The following NAA60 variants were observed in gnomAD, a reference collection of about 807,000 sequenced individuals.
The protein encoded by NAA60 is N-alpha-acetyltransferase 60, NatF catalytic subunit.
NAA60 carries 8 observed loss-of-function variants against 26.1 expected under a neutral mutation model. That is an observed-to-expected ratio of 0.31 (90% CI 0.18 to 0.55). The LOEUF (loss-of-function observed/expected upper bound fraction) is 0.55, where lower values mean the gene tolerates loss of function less well. Ranked by LOEUF, NAA60 falls within the 20% of genes least tolerant of loss-of-function variation. The pLI is 0.93. For missense variants in NAA60, 290 were observed against 311.3 expected (o/e 0.93, Z 0.51); for synonymous variants, 131 against 122.5 (o/e 1.07, Z -0.46).
intron 3 of NAA60, among the ~76,000 whole-genome samples, chr16:3,477,386 C>G (rs905234311): frequency 1.3e-5 from 2 of 152,244 alleles, no homozygotes; most frequent in East Asian, 3.8e-4. Context: ...GAGTGTTCAC[C>G]TCAGACTGAC....
intron 7 of NAA60, 23 bp downstream of exon 7, chr16:3,485,084 G>A: frequency 7.4e-7 from 1 of 1,359,482 alleles, no homozygotes; most frequent in South Asian, 1.3e-5. Context: ...AGACACAAAG[G>A]TATGGGAGCT....
chr16:3,458,779 C>G (rs936116570), intron 2 of NAA60, among the ~76,000 whole-genome samples: 4 of 152,210 alleles, frequency 2.6e-5, no homozygotes, highest in African/African-American at 9.7e-5. Context: ...TGGCCCTTTA[C>G]AGACCGGCCC....
intron 4 of NAA60, among the ~76,000 whole-genome samples, 167 bp from the exon 5 acceptor site, chr16:3,482,335 C>T (rs1294175834): frequency 6.6e-6 from 1 of 152,190 alleles, no homozygotes; most frequent in Non-Finnish European, 1.5e-5. Flanking sequence ...GCTCTCATTT[C>T]CTTGGGGAGT....
At chr16:3,482,420 G>A in intron 4 of NAA60, 82 bp from the exon 5 acceptor site, 1 of 1,168,144 alleles carries the variant, frequency 8.6e-7, no homozygotes, top group Non-Finnish European at 1.2e-6. Flanking sequence ...GGAAGTCGGT[G>A]CGGAGCCCGC....
At chr16:3,475,536 A>G (rs928834564) in intron 2 of NAA60, among the ~76,000 whole-genome samples, 8 of 152,056 alleles carry the variant, frequency 5.3e-5, no homozygotes, top group Admixed American at 2.0e-4. Flanking sequence ...TAAATAAAAC[A>G]GGGGGGCTGC....
chr16:3,482,428 C>G, intron 4 of NAA60, 74 bp from the exon 5 acceptor site: 4 of 1,274,278 alleles, frequency 3.1e-6, no homozygotes, highest in Non-Finnish European at 4.5e-6. Context: ...GTGCGGAGCC[C>G]GCCTGGGCCG....
chr16:3,450,405 G>C (rs2034728405), intron 2 of NAA60, among the ~76,000 whole-genome samples: 1 of 152,134 alleles, frequency 6.6e-6, no homozygotes, highest in Admixed American at 6.5e-5. Context: ...GGTGAGTCAG[G>C]AAAGTTGTGC....
chr16:3,453,821 G>C (rs1461792566), intron 2 of NAA60, among the ~76,000 whole-genome samples: 1 of 152,188 alleles, frequency 6.6e-6, no homozygotes, highest in African/African-American at 2.4e-5. Context: ...ACCTGAATGT[G>C]TAGGTTTCAG....
At chr16:3,479,756 T>C (rs1423074875) in intron 4 of NAA60, among the ~76,000 whole-genome samples, 156 bp downstream of exon 4, 1 of 146,986 alleles carries the variant, frequency 6.8e-6, no homozygotes, top group African/African-American at 2.7e-5. Flanking sequence ...CCCTGGCTGG[T>C]GCTTTTCTGT....
intron 2 of NAA60, among the ~76,000 whole-genome samples, chr16:3,459,847 G>T (rs997146680): frequency 2.6e-5 from 4 of 152,182 alleles, no homozygotes; most frequent in African/African-American, 9.7e-5. Context: ...ACCAGGCCGG[G>T]ACAGTATGGA....
chr16:3,464,718 AGTTTTGTTGTT>A, intron 2 of NAA60, among the ~76,000 whole-genome samples: 1 of 152,222 alleles, frequency 6.6e-6, no homozygotes, highest in Non-Finnish European at 1.5e-5. Context: ...ATTTACAGGT[AGTTTTGTTGTT>A]GTTTTGTTTT....
intron 5 of NAA60, chr16:3,482,841 C>T: frequency 1.8e-6 from 1 of 570,548 alleles, no homozygotes; most frequent in East Asian, 2.9e-5. Flanking sequence ...CTGCTGCAGC[C>T]TCGCTCAGCC....
intron 3 of NAA60, among the ~76,000 whole-genome samples, chr16:3,478,969 C>G (rs1481457849): frequency 6.6e-6 from 1 of 152,134 alleles, no homozygotes; most frequent in African/African-American, 2.4e-5. Flanking sequence ...GGCGCGGTGG[C>G]TCACACCTGT....
intron 2 of NAA60, among the ~76,000 whole-genome samples, chr16:3,452,160 C>T (rs948001547): frequency 6.6e-6 from 1 of 152,102 alleles, no homozygotes; most frequent in African/African-American, 2.4e-5. Flanking sequence ...CTGCAGTAAG[C>T]CGTGATCACG....
rs781210536 is a variant in NAA60, at chr16:3,485,531, G to A, written c.*271G>A. 8.8e-6 allele frequency: 4 copies of A among 455,076 alleles called. No individual in the cohort carries two copies. Among genetic ancestry groups the A allele is most frequent in the South Asian group, 3.1e-5 (2 of 64,278 alleles). The allele number at this position is 455,076 out of a possible 1,614,324, so 28.2% of individuals were successfully genotyped here. On this transcript the variant is annotated 3_prime_UTR_variant, in exon 8 of 8. Coordinates refer to ENST00000407558, the MANE Select transcript of NAA60 (RefSeq NM_001083601.3). ...TGCTGCCCTGGCCCTGCCCCCCTGC[G>A]CATGCACCGTCCCCAGGGCTGACCC...
intron 7 of NAA60, 94 bp from the exon 8 acceptor site, chr16:3,485,373 C>T (rs914961040): frequency 2.1e-6 from 1 of 471,784 alleles, no homozygotes; most frequent in Admixed American, 2.3e-5. Context: ...CCTGGAGCAC[C>T]CAGGCCCAGC....
intron 2 of NAA60, among the ~76,000 whole-genome samples, chr16:3,471,953 CT>C (rs1353673954): frequency 6.6e-6 from 1 of 152,118 alleles, no homozygotes; most frequent in African/African-American, 2.4e-5. Context: ...GGGTTAGTGG[CT>C]TTGTCCCAGA....
chr16:3,478,092 T>C (rs1200946384), intron 3 of NAA60, among the ~76,000 whole-genome samples: 5 of 83,420 alleles, frequency 6.0e-5, no homozygotes, highest in Non-Finnish European at 1.3e-4. Flanking sequence ...TAATAATAAA[T>C]AGGCCTGGTG....
At position 3,483,557 on chromosome 16, in the gene NAA60, G is replaced by A. The variant is rs958899882; in HGVS notation, c.532G>A (p.Val178Ile). The A allele has an allele frequency of 6.2e-7, 1 of 1,613,244 alleles. No homozygotes were observed. The highest frequency in any genetic ancestry group is 8.5e-7 in the Non-Finnish European group (1 of 1,179,704). Residue 178 changes from valine to isoleucine, a missense_variant, in exon 6 of 8, where the codon GTC becomes ATC. Transcript: ENST00000407558. ...GGTCCTCAAAGATGGCTTCACCTATGTCCTCTACATCAACGGCGGCCACCC... is the reference window on the plus strand; with the variant it reads ...GGTCCTCAAAGATGGCTTCACCTATATCCTCTACATCAACGGCGGCCACCC... Reference protein sequence around the residue: ...RGVLKDGFTYVLYINGGHPPW... With the variant: ...RGVLKDGFTYILYINGGHPPW...
Sources: gnomAD v4.1 joint callset for allele counts (sites outside exome capture counted in the v4.1 genomes callset) on GRCh38, gnomAD v4.1.1 for gene constraint, MANE v1.5 for transcripts, NCBI Gene and HGNC (gene_info 2026-07-23, HGNC 2026-07-21) for gene names.